The following DEPDC5 variants were observed in gnomAD, a reference collection of about 807,000 sequenced individuals.
DEPDC5 encodes the protein DEP domain containing 5, GATOR1 subcomplex subunit, also known as GATOR1 complex protein DEPDC5.
Under a neutral mutation model 217.3 loss-of-function variants are expected in DEPDC5, and 73 were observed. The ratio of observed to expected loss-of-function variants is 0.34; its 90% CI spans 0.28 to 0.41. DEPDC5 has a LOEUF of 0.41. Among genes scored for constraint, DEPDC5 ranks in the 10% least tolerant of loss-of-function variants. DEPDC5 has a pLI of 1.00. For missense variants in DEPDC5, 1,675 were observed against 2,070.1 expected, an observed-to-expected ratio of 0.81 and a Z score of 3.70; for synonymous variants, 733 against 756.7, an observed-to-expected ratio of 0.97 and a Z score of 0.51.
Position 31,777,254 on chromosome 22 carries a change from C to G in DEPDC5, c.414-845C>G, listed in dbSNP as rs111951519. ...GGATTATAGGCATGAACCACTGCAC[C>G]TGGCCCTAAGTTTTTTTTTTTTTTT... On this transcript the variant is annotated intron_variant, in intron 7 of 42. Transcript: ENST00000651528. Among the ~76,000 whole-genome samples, 1,024 of 144,106 alleles carry G rather than the reference C, an allele frequency of 7.1e-3. 3 individuals are homozygous for G. The highest frequency in any genetic ancestry group is 0.011 in the Non-Finnish European group (757 of 66,486). The allele number at this position is 144,106 out of a possible 152,430, so 94.5% of individuals were successfully genotyped here.
intron 33 of DEPDC5, among the ~76,000 whole-genome samples, chr22:31,862,589 A>G (rs188329374): frequency 6.6e-6 from 1 of 152,312 alleles, no homozygotes; most frequent in African/African-American, 2.4e-5. Context: ...AACAAAATAG[A>G]ATTTTTTAAA....
At chr22:31,783,858 G>A in intron 8 of DEPDC5, 49 bp from the exon 9 acceptor site, 1 of 1,529,656 alleles carries the variant, frequency 6.5e-7, no homozygotes, top group Non-Finnish European at 9.0e-7. Flanking sequence ...TTATAGAACT[G>A]AAACTGTATA....
intron 39 of DEPDC5, chr22:31,894,618 G>T (rs1247178473): frequency 2.6e-5 from 4 of 152,196 alleles, no homozygotes. Context: ...GCCGAGGCAG[G>T]CAGATCACTC....
At chr22:31,761,822 G>T (rs1294492191) in intron 4 of DEPDC5, among the ~76,000 whole-genome samples, 1 of 151,778 alleles carries the variant, frequency 6.6e-6, no homozygotes, top group African/African-American at 2.4e-5. Flanking sequence ...CAAAATATTA[G>T]CCGGGTGTGG....
chr22:31,847,034 TC>T lies in DEPDC5; in HGVS notation c.3155+70del, dbSNP rs3216829. On this transcript the variant is annotated intron_variant, in intron 31 of 42. Coordinates refer to ENST00000651528, the MANE Select transcript of DEPDC5 (RefSeq NM_001242896.3). Reference sequence around the variant, plus strand: ...GCCCTGAGGGTTTTCAGTGCCCTGTTCCCTTGAGGGGGTGAAATATTTCCTT... The same window carrying T: ...GCCCTGAGGGTTTTCAGTGCCCTGTTCCTTGAGGGGGTGAAATATTTCCTT... The T allele has an allele frequency of 0.099, 159,385 of 1,604,174 alleles. 9,160 individuals carry two copies. Among genetic ancestry groups the T allele is most frequent in the African/African-American group, 0.21 (15,799 of 74,686 alleles).
At chr22:31,857,843 A>C (rs1396048197) in intron 32 of DEPDC5, 1 of 269,418 alleles carries the variant, frequency 3.7e-6, no homozygotes. Context: ...TGAGCCCAGG[A>C]GTTTGAGACC....
intron 2 of DEPDC5, among the ~76,000 whole-genome samples, chr22:31,756,742 G>A (rs2081970261): frequency 6.6e-6 from 1 of 151,812 alleles, no homozygotes; most frequent in East Asian, 1.9e-4. Context: ...CCAACATAGT[G>A]AAACCCCATC....
At position 31,815,181 on chromosome 22, in the gene DEPDC5, C is replaced by A; in HGVS notation, c.1635C>A (p.Val545=). ...IPHPHLHQYE[V]SSSLGYTSTR... ...ACCCCCACCTGCACCAGTATGAAGTCAGCAGCTCCTTGGGATACACCAGCA... is the reference window on the plus strand; with the variant it reads ...ACCCCCACCTGCACCAGTATGAAGTAAGCAGCTCCTTGGGATACACCAGCA... The change falls in exon 21 of 43, where the codon GTC becomes GTA. Residue 545 remains valine (V), a synonymous_variant. Transcript: ENST00000651528. 6.2e-7 allele frequency: 1 copy of A among 1,614,162 alleles called. No homozygotes were observed.
chr22:31,897,026 A>G (rs551181139), intron 39 of DEPDC5, among the ~76,000 whole-genome samples: 9 of 152,060 alleles, frequency 5.9e-5, no homozygotes, highest in Non-Finnish European at 8.8e-5. Flanking sequence ...CTCAGGTGGG[A>G]GAATTGCTTG....
At chr22:31,804,078 C>A in intron 15 of DEPDC5, 84 bp from the exon 16 acceptor site, 1 of 1,323,660 alleles carries the variant, frequency 7.6e-7, no homozygotes, top group South Asian at 1.2e-5. Context: ...GCCTACTACC[C>A]ATTTAAATAA....
intron 38 of DEPDC5, among the ~76,000 whole-genome samples, chr22:31,886,032 C>CAA (rs1234869480): frequency 2.9e-5 from 3 of 105,238 alleles, no homozygotes; most frequent in Non-Finnish European, 2.0e-5. Flanking sequence ...GACTCCCTCT[C>CAA]AAAAAAAAAA....
chr22:31,866,091 G>A (rs1384717530), intron 33 of DEPDC5, among the ~76,000 whole-genome samples: 1 of 152,178 alleles, frequency 6.6e-6, no homozygotes, highest in African/African-American at 2.4e-5. Context: ...CCACGAGGTG[G>A]AAGGTAGAAG....
chr22:31,811,742 T>A (rs1022405252), intron 20 of DEPDC5, among the ~76,000 whole-genome samples: 1 of 151,816 alleles, frequency 6.6e-6, no homozygotes, highest in African/African-American at 2.4e-5. Context: ...AGAGATGAGG[T>A]CTCACATATT....
rs550405001 is a variant in DEPDC5 at position 31,771,246 on chromosome 22, C to T, written c.413+2383C>T. Among the ~76,000 whole-genome samples the T allele has an allele frequency of 9.3e-4, 142 of 152,154 alleles. 1 individual carries two copies. The highest frequency in any genetic ancestry group is 3.3e-3 in the African/African-American group (138 of 41,502). On this transcript the variant is annotated intron_variant, in intron 7 of 42. Coordinates refer to ENST00000651528, the MANE Select transcript of DEPDC5 (RefSeq NM_001242896.3). ...TTCATCATCAACTAGGTCTATTTGA[C>T]CAGAATGAAATACTGATCCTAAAAA...
chr22:31,756,569 T>C (rs537312107), intron 2 of DEPDC5, among the ~76,000 whole-genome samples: 2 of 152,308 alleles, frequency 1.3e-5, no homozygotes, highest in South Asian at 2.1e-4. Flanking sequence ...TGTTTTTATG[T>C]ATAAAATACA....
intron 31 of DEPDC5, among the ~76,000 whole-genome samples, chr22:31,849,549 G>A (rs564728422): frequency 6.6e-6 from 1 of 152,104 alleles, no homozygotes; most frequent in Non-Finnish European, 1.5e-5. Flanking sequence ...GGGAGGCCTA[G>A]GTGGGTGAAT....
At chr22:31,800,028 C>G (rs1026875737) in intron 14 of DEPDC5, among the ~76,000 whole-genome samples, 10 of 151,874 alleles carry the variant, frequency 6.6e-5, no homozygotes, top group African/African-American at 2.2e-4. Context: ...GTCTCGATCT[C>G]CTGACCTCGT....
chr22:31,845,317 C>A, intron 30 of DEPDC5, 80 bp downstream of exon 30: 1 of 1,502,006 alleles, frequency 6.7e-7, no homozygotes, highest in Non-Finnish European at 9.0e-7. Flanking sequence ...GGCCTCTCAT[C>A]ATCAGCCTAC....
rs1052825586 is a variant in DEPDC5, at chr22:31,812,280, C to T, written c.1445+1639C>T. Among the ~76,000 whole-genome samples the T allele has an allele frequency of 5.3e-5, 8 of 152,110 alleles. No homozygotes were observed. In the East Asian group the frequency reaches 5.8e-4, roughly 11 times the overall value. ...GTGCTGGGGTTACAGAATGAGCCAC[C>T]GCACCCGGCCTCATCTTGGATTTTA... On this transcript the variant is annotated intron_variant, in intron 20 of 42. Transcript: ENST00000651528.
Sources: allele counts gnomAD v4.1 joint callset (sites outside exome capture counted in the v4.1 genomes callset), GRCh38; gene constraint gnomAD v4.1.1; transcripts MANE v1.5; gene names NCBI Gene and HGNC (gene_info 2026-07-23, HGNC 2026-07-21).